PMPCA: variants seen among roughly 807,000 people sequenced by gnomAD.
PMPCA encodes the protein mitochondrial-processing peptidase subunit alpha.
Under a neutral mutation model 59.3 loss-of-function variants are expected in PMPCA, and 47 were observed. The ratio of observed to expected loss-of-function variants is 0.79; its 90% confidence interval spans 0.63 to 1.01. The LOEUF is 1.01. Ranked by LOEUF, PMPCA falls within the 50% of genes least tolerant of loss-of-function variation. The probability of loss-of-function intolerance (pLI) is 0.00; values close to 1 mark genes in which losing one functional copy is unlikely to be tolerated. For missense variants in PMPCA, 726 were observed against 704.5 expected, an observed-to-expected ratio of 1.03 and a Z score of -0.34; for synonymous variants, 338 against 290.3, an observed-to-expected ratio of 1.16 and a Z score of -1.67.
In PMPCA at chr9:136,423,442, A is replaced by C. The variant is rs1422470382; in HGVS notation, c.*178A>C. 3 of 649,330 alleles carry C rather than the reference A, an allele frequency of 4.6e-6. No individual in the cohort carries two copies. Among genetic ancestry groups the C allele is most frequent in the South Asian group, 3.9e-5 (2 of 51,626 alleles). 40.2% of individuals were successfully genotyped at this position (649,330 alleles called of 1,614,324 possible). A position where few individuals can be genotyped will look rare whatever the true frequency, so the allele number is the denominator to read the frequency against. On this transcript the variant is annotated 3_prime_UTR_variant, in exon 13 of 13. Coordinates refer to ENST00000371717, the MANE Select transcript of PMPCA (RefSeq NM_015160.3). ...TGGAACTCAATGTGCCGATCAGTGG[A>C]GTCAGTATCGAGCCTGACCACCGCA...
chr9:136,422,041 C>T (rs540666048), intron 12 of PMPCA, 65 bp downstream of exon 12: 28 of 1,556,500 alleles, frequency 1.8e-5, no homozygotes, highest in South Asian at 4.7e-5. Context: ...GAGGCCGTCT[C>T]GCCCTCCCGC....
chr9:136,422,184 A>G, intron 12 of PMPCA: 2 of 1,514,952 alleles, frequency 1.3e-6, no homozygotes, highest in South Asian at 2.5e-5. Context: ...CCCACCATGC[A>G]CCTGCTGCCT....
In PMPCA at chr9:136,416,311, C is replaced by T. The variant is rs1001253464; in HGVS notation, c.553C>T (p.Arg185Trp). Residue 185 changes from arginine to tryptophan, a missense_variant, in exon 6 of 13, where the codon CGG becomes TGG. Arg to Trp is a moderately radical substitution (Grantham distance 101). Coordinates refer to ENST00000371717, the MANE Select transcript of PMPCA (RefSeq NM_015160.3). ...RLTDEEVEMT[R>W]MAVQFELEDL... Reference sequence around the variant, plus strand: ...TGCAGATGAAGAAGTCGAGATGACGCGGATGGCGGTCCAGTTTGAGCTGGA... The same window carrying T: ...TGCAGATGAAGAAGTCGAGATGACGTGGATGGCGGTCCAGTTTGAGCTGGA... 18 of 1,613,578 alleles carry T rather than the reference C, an allele frequency of 1.1e-5. No homozygotes were observed. Among genetic ancestry groups the T allele is most frequent in the East Asian group, 4.5e-5 (2 of 44,898 alleles).
intron 12 of PMPCA, 88 bp downstream of exon 12, chr9:136,422,064 G>A (rs1358970451): frequency 6.5e-7 from 1 of 1,548,946 alleles, no homozygotes; most frequent in Non-Finnish European, 8.7e-7. Context: ...GCCGTGGTGG[G>A]CCTGTGGTAT....
chr9:136,418,173 C>A (rs1588816971), intron 8 of PMPCA, 64 bp downstream of exon 8: 1 of 1,177,428 alleles, frequency 8.5e-7, no homozygotes, highest in East Asian at 2.3e-5. Flanking sequence ...GCCAGCCCTG[C>A]CCTCTGTCCC....
intron 6 of PMPCA, 120 bp downstream of exon 6, chr9:136,416,511 A>AT (rs759994140): frequency 9.2e-6 from 7 of 763,978 alleles, no homozygotes; most frequent in South Asian, 2.9e-5. Flanking sequence ...TATACAGAAC[A>AT]TTTTTTTGTT....
intron 1 of PMPCA, 117 bp from the exon 2 acceptor site, chr9:136,411,880 G>C (rs1835129272): frequency 1.4e-6 from 1 of 695,806 alleles, no homozygotes; most frequent in Non-Finnish European, 2.6e-6. Flanking sequence ...AATAAGTCCT[G>C]TAGAAAGGCA....
In PMPCA at chr9:136,417,066, G is replaced by A. The variant is rs754860344; in HGVS notation, c.749G>A (p.Arg250His). ...SYLRNYYTPD[R>H]MVLAGVGVEH... is the part of the protein sequence containing the mutation. ...CTGAGGAACTACTACACTCCCGACC[G>A]CATGGTGCTGGCCGGCGTGGGCGTG... Residue 250 changes from arginine to histidine, a missense_variant, in exon 7 of 13, where the codon CGC becomes CAC. By Grantham distance (29) the Arg-to-His change is conservative. Transcript: ENST00000371717. 2.1e-5 allele frequency: 34 copies of A among 1,613,878 alleles called. No individual in the cohort carries two copies. Among genetic ancestry groups the A allele is most frequent in the Admixed American group, 1.5e-4 (9 of 60,006 alleles).
intron 11 of PMPCA, 129 bp from the exon 12 acceptor site, chr9:136,421,703 C>T (rs953630724): frequency 6.7e-5 from 57 of 845,864 alleles, no homozygotes; most frequent in Admixed American, 1.4e-4. Flanking sequence ...GGAGCCACTG[C>T]GCCCGGCTGC....
intron 4 of PMPCA, among the ~76,000 whole-genome samples, chr9:136,413,877 C>T (rs941722834): frequency 2.2e-4 from 33 of 152,238 alleles, no homozygotes; most frequent in African/African-American, 7.2e-4. Context: ...CTGGTGACTG[C>T]GTCCTGCCTC....
At position 136,422,942 on chromosome 9, in the gene PMPCA, C is replaced by T; in HGVS notation, c.1409-153C>T. ...ACTTGTGGACTCACCCTTGGCTACA[C>T]CCAGTGGCTGCCTTTGGGCCCAGGT... On this transcript the variant is annotated intron_variant, in intron 12 of 12. Coordinates refer to ENST00000371717, the MANE Select transcript of PMPCA (RefSeq NM_015160.3). 7 of 1,443,596 alleles carry T rather than the reference C, an allele frequency of 4.8e-6. No homozygotes were observed. The South Asian group carries it at 1.0e-4, about 21-fold the overall frequency. The allele number at this position is 1,443,596 out of a possible 1,614,324, so 89.4% of individuals were successfully genotyped here. A position where few individuals can be genotyped will look rare whatever the true frequency, so the allele number is the denominator to read the frequency against.
At chr9:136,418,215 G>A in intron 8 of PMPCA, 106 bp downstream of exon 8, 1 of 837,496 alleles carries the variant, frequency 1.2e-6, no homozygotes, top group Non-Finnish European at 2.1e-6. Context: ...ATGGGGCGTG[G>A]GCGGCTCAGC....
At chr9:136,419,971 A>T (rs1382151405) in intron 11 of PMPCA, 2 of 151,366 alleles carry the variant, frequency 1.3e-5, no homozygotes, top group African/African-American at 4.9e-5. Context: ...TGGTACAAAT[A>T]AGCAAGTTTT....
chr9:136,415,482 CA>C (rs1207970836), intron 5 of PMPCA, among the ~76,000 whole-genome samples: 2 of 152,338 alleles, frequency 1.3e-5, no homozygotes, highest in South Asian at 4.1e-4. Context: ...GAGTCCCTGT[CA>C]GGGGTGGACC....
chr9:136,421,854 C>T lies in PMPCA; in HGVS notation c.1286C>T (p.Thr429Met), dbSNP rs541550189. ...VDTVELERAK[T>M]QLTSMLMMNL... ...CAGGTGGAGCTGGAACGAGCCAAGA[C>T]GCAGCTGACATCAATGCTCATGATG... is the stretch of plus-strand genomic sequence containing the variant. Residue 429 changes from threonine (T) to methionine (M), a missense_variant, in exon 12 of 13, where the codon ACG (threonine) becomes ATG (methionine). Thr to Met is a moderately conservative substitution (Grantham distance 81). Transcript: ENST00000371717. 21 of 1,598,880 alleles carry T rather than the reference C, an allele frequency of 1.3e-5. No individual in the cohort carries two copies. The highest frequency in any genetic ancestry group is 7.8e-5 in the South Asian group (7 of 90,042).
rs774679196 is a variant in PMPCA, at chr9:136,410,666, A to G, written c.-3A>G. On this transcript the variant is annotated 5_prime_UTR_variant, in exon 1 of 13. Coordinates refer to ENST00000371717, the MANE Select transcript of PMPCA (RefSeq NM_015160.3). Reference sequence around the variant, plus strand: ...GACGACTGAAGCGGGGCGGAGACGCAAGATGGCGGCTGTGGTGCTGGCGGC... The same window carrying G: ...GACGACTGAAGCGGGGCGGAGACGCGAGATGGCGGCTGTGGTGCTGGCGGC... The G allele has an allele frequency of 7.1e-6, 10 of 1,403,078 alleles. No homozygotes were observed. In the East Asian group the frequency reaches 2.5e-4, roughly 35 times the overall value. The allele number at this position is 1,403,078 out of a possible 1,614,324, so 86.9% of individuals were successfully genotyped here.
At position 136,412,521 on chromosome 9, in the gene PMPCA, GA is replaced by G. The variant is rs1835162037; in HGVS notation, c.309del (p.Lys103AsnfsTer74). ...TCAATTCAGGATCGAGATATGAAGC[GA>G]AATACCTTAGTGGAATTGCTCACTT... is the stretch of plus-strand genomic sequence containing the variant. Reference protein sequence around the residue: ...LINSGSRYEAKYLSGIAHFLE... With the variant: ...LINSGSRYEAXYLSGIAHFLE... On this transcript the variant is annotated frameshift_variant, in exon 3 of 13. Coordinates refer to ENST00000371717, the MANE Select transcript of PMPCA (RefSeq NM_015160.3). LOFTEE classifies it high-confidence loss of function. 9.4e-6 allele frequency: 15 copies of G among 1,598,716 alleles called. No individual in the cohort carries two copies. The highest frequency in any genetic ancestry group is 1.2e-5 in the Non-Finnish European group (14 of 1,167,976).
intron 4 of PMPCA, among the ~76,000 whole-genome samples, chr9:136,413,641 G>T (rs1835195849): frequency 6.6e-6 from 1 of 152,126 alleles, no homozygotes; most frequent in South Asian, 2.1e-4. Flanking sequence ...CCCCTGCCAG[G>T]TTCCTGCCTG....
At position 136,419,350 on chromosome 9, in the gene PMPCA, C is replaced by T. The variant is rs1190621849; in HGVS notation, c.1263+244C>T. 3 of 592,274 alleles carry T rather than the reference C, an allele frequency of 5.1e-6. No homozygotes were observed. In the East Asian group the frequency reaches 8.5e-5, roughly 17 times the overall value. The allele number at this position is 592,274 out of a possible 1,614,324, so 36.7% of individuals were successfully genotyped here. On this transcript the variant is annotated intron_variant, in intron 11 of 12. Coordinates refer to ENST00000371717, the MANE Select transcript of PMPCA (RefSeq NM_015160.3). ...AAACAGAAAAACAGACCACCGCCCT[C>T]CCCCAGTGCTCGGTCCACTACTTCT...
Sources: allele counts gnomAD v4.1 joint callset (sites outside exome capture counted in the v4.1 genomes callset), GRCh38; gene constraint gnomAD v4.1.1; transcripts MANE v1.5; gene names NCBI Gene and HGNC (gene_info 2026-07-23, HGNC 2026-07-21).